The following DOCK1 variants were observed in gnomAD, a reference collection of about 807,000 sequenced individuals.
DOCK1 encodes dedicator of cytokinesis protein 1.
In DOCK1, 138 loss-of-function variants were observed where a neutral mutation model predicts 262.7. The ratio of observed to expected loss-of-function variants is 0.53; its 90% CI spans 0.46 to 0.61. The LOEUF is 0.61. Ranked by LOEUF, DOCK1 falls within the 20% of genes least tolerant of loss-of-function variation. The pLI, the probability that DOCK1 is intolerant of heterozygous loss-of-function variation, is 0.00. For synonymous variants in DOCK1, 866 were observed against 867.4 expected (o/e 1.00, Z 0.03); for missense variants, 1,908 against 2,370.7 (o/e 0.80, Z 4.05).
intron 23 of DOCK1, among the ~76,000 whole-genome samples, chr10:127,073,395 C>T (rs1310305712): frequency 6.6e-6 from 1 of 152,230 alleles, no homozygotes; most frequent in Non-Finnish European, 1.5e-5. Flanking sequence ...TACTCGACTT[C>T]AAGTCTGCTG....
chr10:127,023,542 CTTT>C (rs10652401), intron 14 of DOCK1, among the ~76,000 whole-genome samples: 2 of 124,372 alleles, frequency 1.6e-5, no homozygotes, highest in Non-Finnish European at 1.6e-5. Flanking sequence ...TCCCTGTGGT[CTTT>C]TTTTTTTTTT....
chr10:126,919,228 G>A (rs867187954), intron 1 of DOCK1, among the ~76,000 whole-genome samples: 1 of 152,180 alleles, frequency 6.6e-6, no homozygotes, highest in African/African-American at 2.4e-5. Context: ...TTATTTGCTG[G>A]AATAAAGGCA....
In DOCK1 at chr10:126,963,736, C is replaced by T. The variant is rs1190945399; in HGVS notation, c.47-6966C>T. Among the ~76,000 whole-genome samples the T allele has an allele frequency of 3.4e-5, 5 of 149,212 alleles. No homozygotes were observed. The East Asian group carries it at 6.1e-4, about 18-fold the overall frequency. ...TGTGCCAGGTGTTTTTAGATGATTG[C>T]GAAAAATAAGATGCAGATTTTGTCC... On this transcript the variant is annotated intron_variant, in intron 1 of 51. Transcript: ENST00000623213.
chr10:127,011,262 C>A (rs1166507506), intron 11 of DOCK1, among the ~76,000 whole-genome samples: 1 of 152,154 alleles, frequency 6.6e-6, no homozygotes, highest in South Asian at 2.1e-4. Flanking sequence ...TGGGAAATGT[C>A]GTGCTAATGA....
At chr10:127,022,034 T>A (rs1192609742) in intron 13 of DOCK1, among the ~76,000 whole-genome samples, 1 of 152,106 alleles carries the variant, frequency 6.6e-6, no homozygotes, top group African/African-American at 2.4e-5. Flanking sequence ...TTCCTCTAAA[T>A]CATGTTACTA....
intron 47 of DOCK1, among the ~76,000 whole-genome samples, chr10:127,428,918 G>GGGGTGCTGCGTGGATTC (rs1554967524): frequency 3.0e-5 from 4 of 131,636 alleles, no homozygotes; most frequent in East Asian, 2.4e-4. Context: ...CGTGTGGATT[G>GGGGTGCTGCGTGGATTC]GGGTACCGTG....
chr10:127,045,013 A>G lies in DOCK1; in HGVS notation c.2201+1849A>G, dbSNP rs148130109. On this transcript the variant is annotated intron_variant, in intron 21 of 51. Coordinates refer to ENST00000623213, the MANE Select transcript of DOCK1 (RefSeq NM_001290223.2). ...GGAGTTGGAGACCAGTCTGGCCAAC[A>G]TGGAGAAACCCCCATCTCTACTAAA... Among the ~76,000 whole-genome samples the G allele has an allele frequency of 8.3e-3, 1,263 of 152,150 alleles. 9 individuals are homozygous for G. The highest frequency in any genetic ancestry group is 0.013 in the Non-Finnish European group (851 of 68,010).
At chr10:126,998,050 G>A in intron 7 of DOCK1, 42 bp from the exon 8 acceptor site, 1 of 1,609,004 alleles carries the variant, frequency 6.2e-7, no homozygotes, top group Non-Finnish European at 8.5e-7. Flanking sequence ...TGTCAGTGAT[G>A]AGTGTTGCTG....
At chr10:126,999,970 T>C (rs985618003) in intron 9 of DOCK1, among the ~76,000 whole-genome samples, 1 of 152,210 alleles carries the variant, frequency 6.6e-6, no homozygotes, top group African/African-American at 2.4e-5. Context: ...GCACTGCCCC[T>C]AGCCCTTAAA....
At chr10:127,070,515 G>A (rs2046165153) in intron 23 of DOCK1, among the ~76,000 whole-genome samples, 2 of 151,976 alleles carry the variant, frequency 1.3e-5, no homozygotes, top group South Asian at 4.2e-4. Flanking sequence ...GCCTCCCAAA[G>A]TGCTGGGATT....
intron 33 of DOCK1, among the ~76,000 whole-genome samples, chr10:127,362,841 A>ATGCACATCCC (rs368682798): frequency 8.2e-5 from 1 of 12,206 alleles, no homozygotes; most frequent in Admixed American, 9.6e-4. Flanking sequence ...ACACATACAC[A>ATGCACATCCC]CACACACACA....
intron 47 of DOCK1, among the ~76,000 whole-genome samples, chr10:127,429,700 G>C (rs2069146993): frequency 6.6e-6 from 1 of 152,170 alleles, no homozygotes; most frequent in Non-Finnish European, 1.5e-5. Flanking sequence ...TCCCTGGATG[G>C]GAGCTCTGCA....
intron 1 of DOCK1, among the ~76,000 whole-genome samples, chr10:126,940,173 T>C (rs2034880291): frequency 6.6e-6 from 1 of 152,220 alleles, no homozygotes; most frequent in Non-Finnish European, 1.5e-5. Flanking sequence ...TGTGAATTAA[T>C]CACGGTTTAC....
chr10:127,383,633 G>T (rs186614073), intron 37 of DOCK1, among the ~76,000 whole-genome samples: 3 of 152,342 alleles, frequency 2.0e-5, no homozygotes, highest in African/African-American at 7.2e-5. Flanking sequence ...TCCCCAGCCC[G>T]TGGTTTCAGG....
chr10:127,233,360 G>A (rs188587173), intron 27 of DOCK1, among the ~76,000 whole-genome samples: 67 of 152,264 alleles, frequency 4.4e-4, no homozygotes, highest in Non-Finnish European at 1.5e-4. Flanking sequence ...CTACATAACA[G>A]TGGACATGCT....
chr10:126,997,095 C>G (rs1251989847), intron 7 of DOCK1, among the ~76,000 whole-genome samples: 1 of 152,102 alleles, frequency 6.6e-6, no homozygotes, highest in Non-Finnish European at 1.5e-5. Flanking sequence ...CATTGTGTTT[C>G]ATCGTAGGAG....
chr10:127,098,273 A>G (rs555746445), intron 23 of DOCK1, among the ~76,000 whole-genome samples: 1 of 152,352 alleles, frequency 6.6e-6, no homozygotes, highest in African/African-American at 2.4e-5. Context: ...TATCACCCTG[A>G]TCTTTTTTGT....
At chr10:127,000,113 T>C in intron 9 of DOCK1, 59 bp from the exon 10 acceptor site, 1 of 1,587,360 alleles carries the variant, frequency 6.3e-7, no homozygotes, top group Non-Finnish European at 8.6e-7. Flanking sequence ...GTCCTTTTCA[T>C]TGGAGCTTGC....
At chr10:127,419,553 G>T (rs77994677) in intron 45 of DOCK1, 113 bp from the exon 46 acceptor site, 78,403 of 989,766 alleles carry the variant, frequency 0.079, 3,855 homozygotes, top group East Asian at 0.16. Context: ...AGTGAGCTTC[G>T]TGTGGATCTG....
Sources: allele counts gnomAD v4.1 joint callset (sites outside exome capture counted in the v4.1 genomes callset), GRCh38; gene constraint gnomAD v4.1.1; transcripts MANE v1.5; gene names NCBI Gene and HGNC (gene_info 2026-07-23, HGNC 2026-07-21).